Variants in DOCK4 observed in about 807,000 individuals in gnomAD.
DOCK4 encodes dedicator of cytokinesis 4, also known as dedicator of cytokinesis protein 4.
In DOCK4, 97 loss-of-function variants were observed where a neutral mutation model predicts 268.1. The observed-to-expected ratio is 0.36, with a 90% CI of 0.31 to 0.43. DOCK4 has a LOEUF of 0.43. DOCK4 is among the 20% of genes least tolerant of loss of function. The pLI, the probability that DOCK4 is intolerant of heterozygous loss-of-function variation, is 1.00. For synonymous variants in DOCK4, 954 were observed against 887.2 expected (o/e 1.08, Z -1.34); for missense variants, 2,145 against 2,455.7 (o/e 0.87, Z 2.67).
At chr7:111,952,746 G>T (rs1448945858) in intron 8 of DOCK4, among the ~76,000 whole-genome samples, 2 of 152,106 alleles carry the variant, frequency 1.3e-5, no homozygotes, top group Admixed American at 1.3e-4. Context: ...AAATATCATT[G>T]AAATAGATTT....
rs147952321 is a variant in DOCK4, at chr7:111,859,389, T to C, written c.2473+3983A>G. Among the ~76,000 whole-genome samples the C allele has an allele frequency of 3.9e-3, 592 of 152,194 alleles. 6 individuals are homozygous for C. The highest frequency in any genetic ancestry group is 0.014 in the African/African-American group (570 of 41,510). ...AATGAGTCTTATTTCCATATTTTGG[T>C]GATGCTATTGTTTTATGTTTATAAT... is the stretch of plus-strand genomic sequence containing the variant. On this transcript the variant is annotated intron_variant, in intron 23 of 52. Transcript: ENST00000428084.
chr7:111,924,876 TA>T (rs1388392280), intron 12 of DOCK4, among the ~76,000 whole-genome samples: 3 of 152,250 alleles, frequency 2.0e-5, no homozygotes, highest in Non-Finnish European at 4.4e-5. Context: ...CATTCTGTAG[TA>T]AACTCTCAAA....
intron 1 of DOCK4, among the ~76,000 whole-genome samples, chr7:112,151,373 A>C (rs1204568646): frequency 2.0e-5 from 3 of 152,158 alleles, no homozygotes; most frequent in Non-Finnish European, 4.4e-5. Context: ...TACAGCACCT[A>C]ACAAAAAAAT....
At chr7:111,959,876 T>G (rs1796728776) in intron 8 of DOCK4, among the ~76,000 whole-genome samples, 1 of 152,164 alleles carries the variant, frequency 6.6e-6, no homozygotes, top group Non-Finnish European at 1.5e-5. Context: ...TTCTGATCCC[T>G]ATTTGCTAAG....
intron 16 of DOCK4, among the ~76,000 whole-genome samples, chr7:111,884,093 G>T (rs913481321): frequency 6.6e-6 from 1 of 152,100 alleles, no homozygotes; most frequent in African/African-American, 2.4e-5. Context: ...ACACTAGATA[G>T]GGGGTTAGGT....
intron 12 of DOCK4, 72 bp from the exon 13 acceptor site, chr7:111,915,976 A>G: frequency 2.0e-6 from 3 of 1,495,032 alleles, no homozygotes; most frequent in Non-Finnish European, 2.7e-6. Flanking sequence ...ATGTGTTGCA[A>G]CAAGCCCAAA....
chr7:111,885,018 G>A (rs1473464060), intron 16 of DOCK4, among the ~76,000 whole-genome samples: 1 of 152,198 alleles, frequency 6.6e-6, no homozygotes, highest in African/African-American at 2.4e-5. Context: ...TTGAACTAGA[G>A]TATGGACTGG....
chr7:112,072,232 G>GA (rs10645593), intron 1 of DOCK4, among the ~76,000 whole-genome samples: 21 of 151,666 alleles, frequency 1.4e-4, no homozygotes, highest in East Asian at 3.9e-4. Context: ...CTCACATGTG[G>GA]AAAAAAAATC....
chr7:112,093,085 A>T (rs184576433), intron 1 of DOCK4, among the ~76,000 whole-genome samples: 1 of 152,316 alleles, frequency 6.6e-6, no homozygotes, highest in African/African-American at 2.4e-5. Context: ...AATGCAGAAA[A>T]GAAAGGACTC....
At chr7:111,755,377 C>A in intron 42 of DOCK4, 138 bp downstream of exon 42, 1 of 769,670 alleles carries the variant, frequency 1.3e-6, no homozygotes, top group South Asian at 1.6e-5. Context: ...TAATAGCGGT[C>A]AAGACCATAA....
At chr7:111,894,082 C>T (rs901291714) in intron 16 of DOCK4, among the ~76,000 whole-genome samples, 2 of 152,002 alleles carry the variant, frequency 1.3e-5, no homozygotes, top group African/African-American at 4.8e-5. Context: ...ATTAGCCGGG[C>T]ATGGTGGCGG....
intron 11 of DOCK4, among the ~76,000 whole-genome samples, chr7:111,939,476 C>A (rs1482642147): frequency 6.8e-6 from 1 of 147,282 alleles, no homozygotes; most frequent in Admixed American, 6.9e-5. Context: ...GATCACACCA[C>A]TGCACTCCAG....
chr7:111,744,110 G>T (rs75643139), intron 44 of DOCK4, among the ~76,000 whole-genome samples: 1,986 of 152,284 alleles, frequency 0.013, 20 homozygotes, highest in Non-Finnish European at 0.022. Flanking sequence ...GTTGTCCTGT[G>T]TTGGTCCCAA....
intron 38 of DOCK4, 75 bp downstream of exon 38, chr7:111,766,956 AT>A (rs907197647): frequency 1.7e-6 from 2 of 1,174,004 alleles, no homozygotes; most frequent in African/African-American, 3.1e-5. Context: ...CACAAAGTTA[AT>A]TTCATAGAAC....
chr7:112,173,672 C>G (rs1818264707), intron 1 of DOCK4, among the ~76,000 whole-genome samples: 1 of 152,054 alleles, frequency 6.6e-6, no homozygotes, highest in African/African-American at 2.4e-5. Flanking sequence ...AGCATGAAGA[C>G]CTGCAGGAGG....
chr7:112,018,179 A>AAAACAAC lies in DOCK4; in HGVS notation c.38-14049_38-14048insGTTGTTT. Among the ~76,000 whole-genome samples, 38 of 72,630 alleles carry AAAACAAC rather than the reference A, an allele frequency of 5.2e-4. 8 individuals carry two copies. Among genetic ancestry groups the AAAACAAC allele is most frequent in the East Asian group, 2.4e-3 (6 of 2,480 alleles). The allele number at this position is 72,630 out of a possible 152,430, so 47.6% of individuals were successfully genotyped here. A position where few individuals can be genotyped will look rare whatever the true frequency, so the allele number is the denominator to read the frequency against. On this transcript the variant is annotated intron_variant, in intron 1 of 52. Transcript: ENST00000428084. ...AAAAAAAAAAAAAAAAAAAAAAAAAAACACAGGCAACCAGTATTCATGTGG... is the reference window on the plus strand; with the variant it reads ...AAAAAAAAAAAAAAAAAAAAAAAAAAAAACAACACACAGGCAACCAGTATTCATGTGG...
At chr7:111,853,070 T>C (rs1804709555) in intron 23 of DOCK4, among the ~76,000 whole-genome samples, 2 of 152,274 alleles carry the variant, frequency 1.3e-5, no homozygotes, top group South Asian at 4.1e-4. Flanking sequence ...GGTCTACACT[T>C]GAGTGGATAT....
rs138142666 is a variant in DOCK4 at position 112,118,995 on chromosome 7, G to A, written c.37+87107C>T. 1.2e-3 allele frequency among the ~76,000 whole-genome samples: 179 copies of A among 152,222 alleles called. 1 individual carries two copies. Among genetic ancestry groups the A allele is most frequent in the African/African-American group, 4.1e-3 (169 of 41,516 alleles). On this transcript the variant is annotated intron_variant, in intron 1 of 52. Transcript: ENST00000428084. The stretch of plus-strand genomic sequence containing the variant: ...CTTCATCTTTTTCTAATGAAATTGT[G>A]TATCTATGTGAAAAAATGGGGCAGG...
At chr7:111,770,427 A>C (rs1425800705) in intron 36 of DOCK4, among the ~76,000 whole-genome samples, 2 of 152,056 alleles carry the variant, frequency 1.3e-5, no homozygotes, top group African/African-American at 4.8e-5. Context: ...GAATACTGAT[A>C]TCATTACATG....
Sources: gnomAD v4.1 joint callset for allele counts (sites outside exome capture counted in the v4.1 genomes callset) on GRCh38, gnomAD v4.1.1 for gene constraint, MANE v1.5 for transcripts, NCBI Gene and HGNC (gene_info 2026-07-23, HGNC 2026-07-21) for gene names.